Variants in ASTN2 observed in about 807,000 individuals in gnomAD.
ASTN2 encodes the protein astrotactin-2.
In ASTN2, 54 loss-of-function variants were observed where a neutral mutation model predicts 139.8. The observed-to-expected ratio is 0.39, with a 90% CI of 0.31 to 0.48. The LOEUF (loss-of-function observed/expected upper bound fraction) is 0.48, where lower values mean the gene tolerates loss of function less well. ASTN2 is among the 20% of genes least tolerant of loss of function. The probability of loss-of-function intolerance (pLI) is 0.95; values close to 1 mark genes in which losing one functional copy is unlikely to be tolerated. For missense variants in ASTN2, 1,565 were observed against 1,725.1 expected (o/e 0.91, Z 1.64); for synonymous variants, 756 against 719.5 (o/e 1.05, Z -0.81).
intron 16 of ASTN2, among the ~76,000 whole-genome samples, chr9:116,653,166 T>G (rs899612931): frequency 6.6e-6 from 1 of 152,242 alleles, no homozygotes; most frequent in Admixed American, 6.5e-5. Flanking sequence ...ACGGATGTAT[T>G]TGATACTCAG....
intron 7 of ASTN2, among the ~76,000 whole-genome samples, chr9:116,991,930 T>C (rs900393444): frequency 1.3e-5 from 2 of 152,218 alleles, no homozygotes; most frequent in Non-Finnish European, 2.9e-5. Context: ...AACAAAGACA[T>C]TAATGAAGCT....
At chr9:116,634,728 A>G (rs7853827) in intron 17 of ASTN2, among the ~76,000 whole-genome samples, 3,616 of 152,084 alleles carry the variant, frequency 0.024, 142 homozygotes, top group African/African-American at 0.082. Flanking sequence ...AATATTTTCT[A>G]TTGAGAAAAC....
chr9:116,924,917 AGCCCC>A (rs1358525954), intron 10 of ASTN2, among the ~76,000 whole-genome samples: 3 of 152,246 alleles, frequency 2.0e-5, no homozygotes, highest in Admixed American at 6.5e-5. Context: ...CATTTTGCCC[AGCCCC>A]GACTCAAGAT....
At chr9:117,342,036 G>C (rs1829076943) in intron 1 of ASTN2, among the ~76,000 whole-genome samples, 2 of 152,166 alleles carry the variant, frequency 1.3e-5, no homozygotes, top group South Asian at 4.1e-4. Flanking sequence ...TGGATGCCTA[G>C]GTGAGGACCT....
chr9:116,745,592 A>G (rs1829213247), intron 13 of ASTN2, among the ~76,000 whole-genome samples: 1 of 152,150 alleles, frequency 6.6e-6, no homozygotes, highest in African/African-American at 2.4e-5. Context: ...AAGGATCTAT[A>G]TAACTAGTTT....
At chr9:116,994,604 T>C (rs747472094) in intron 7 of ASTN2, among the ~76,000 whole-genome samples, 15 of 152,220 alleles carry the variant, frequency 9.9e-5, no homozygotes, top group Non-Finnish European at 1.5e-4. Context: ...ATTTCAAATA[T>C]GGTGAATGTG....
intron 6 of ASTN2, among the ~76,000 whole-genome samples, chr9:117,039,229 C>A (rs532811073): frequency 1.3e-5 from 2 of 152,122 alleles, no homozygotes; most frequent in Non-Finnish European, 2.9e-5. Context: ...TACACACACA[C>A]CATGGAATAC....
intron 19 of ASTN2, among the ~76,000 whole-genome samples, chr9:116,573,719 T>C (rs1304991104): frequency 1.3e-5 from 2 of 152,194 alleles, no homozygotes; most frequent in African/African-American, 2.4e-5. Context: ...TGTTATCATG[T>C]TAAATGACAG....
At chr9:116,977,481 T>C (rs769017093) in intron 7 of ASTN2, among the ~76,000 whole-genome samples, 8 of 152,102 alleles carry the variant, frequency 5.3e-5, no homozygotes, top group Non-Finnish European at 8.8e-5. Flanking sequence ...ATCCATTATT[T>C]TTTTTTCTGG....
At chr9:116,983,950 T>A (rs948810314) in intron 7 of ASTN2, among the ~76,000 whole-genome samples, 11 of 152,216 alleles carry the variant, frequency 7.2e-5, no homozygotes, top group African/African-American at 2.7e-4. Context: ...AAAAGATGCT[T>A]ACTTATAGTT....
At chr9:116,944,135 C>A (rs1349014187) in intron 10 of ASTN2, among the ~76,000 whole-genome samples, 1 of 151,810 alleles carries the variant, frequency 6.6e-6, no homozygotes, top group Non-Finnish European at 1.5e-5. Context: ...CTCCATTTTA[C>A]AAAAAAGAGA....
intron 1 of ASTN2, among the ~76,000 whole-genome samples, chr9:117,349,148 T>A (rs1829313718): frequency 6.6e-6 from 1 of 152,172 alleles, no homozygotes; most frequent in South Asian, 2.1e-4. Context: ...AACGGTATGC[T>A]CATGCACACG....
At chr9:116,780,692 C>T (rs752590105) in intron 13 of ASTN2, among the ~76,000 whole-genome samples, 10 of 151,988 alleles carry the variant, frequency 6.6e-5, no homozygotes, top group Non-Finnish European at 1.2e-4. Flanking sequence ...CATTCTTTTC[C>T]GTTAGTTCTC....
chr9:117,151,380 TATACC>T (rs1830323814), intron 3 of ASTN2, among the ~76,000 whole-genome samples: 1 of 152,120 alleles, frequency 6.6e-6, no homozygotes, highest in African/African-American at 2.4e-5. Flanking sequence ...TAGAGCCACC[TATACC>T]TTACAATGGA....
At position 116,623,147 on chromosome 9, in the gene ASTN2, CTGTGTGTGTGTGTGTGTGTG is replaced by C. The variant is rs10527124; in HGVS notation, c.3073-2724_3073-2705del. The stretch of plus-strand genomic sequence containing the variant: ...GCAATGGGAAGAGAGAGAGCATACT[CTGTGTGTGTGTGTGTGTGTG>C]TGTGTGTGTGTGTGTGTGTGTGTGT... On this transcript the variant is annotated intron_variant, in intron 17 of 22. Transcript: ENST00000313400. Among the ~76,000 whole-genome samples the C allele has an allele frequency of 8.6e-3, 1,186 of 137,212 alleles. 20 individuals are homozygous for C. The highest frequency in any genetic ancestry group is 0.03 in the African/African-American group (1,071 of 35,290). 90.0% of individuals were successfully genotyped at this position (137,212 alleles called of 152,430 possible).
intron 4 of ASTN2, 114 bp from the exon 5 acceptor site, chr9:117,096,265 C>G (rs1828839228): frequency 5.1e-6 from 4 of 784,280 alleles, no homozygotes; most frequent in Non-Finnish European, 8.5e-6. Context: ...CTGTAAATCC[C>G]AAGCAACCCA....
intron 1 of ASTN2, among the ~76,000 whole-genome samples, chr9:117,370,883 A>G (rs1829973096): frequency 6.6e-6 from 1 of 152,028 alleles, no homozygotes; most frequent in Admixed American, 6.6e-5. Flanking sequence ...CCTAAGCTTA[A>G]ATTCTACATT....
At chr9:116,702,837 T>C (rs1301002359) in intron 16 of ASTN2, among the ~76,000 whole-genome samples, 1 of 152,200 alleles carries the variant, frequency 6.6e-6, no homozygotes, top group Non-Finnish European at 1.5e-5. Context: ...AACTACCTAC[T>C]GTGGGCCAGT....
chr9:116,683,777 G>A (rs1483428476), intron 16 of ASTN2, among the ~76,000 whole-genome samples: 1 of 152,160 alleles, frequency 6.6e-6, no homozygotes, highest in Non-Finnish European at 1.5e-5. Context: ...GAAACTATTT[G>A]TAAGTATTCT....
Sources: gnomAD v4.1 joint callset for allele counts (sites outside exome capture counted in the v4.1 genomes callset) on GRCh38, gnomAD v4.1.1 for gene constraint, MANE v1.5 for transcripts, NCBI Gene and HGNC (gene_info 2026-07-23, HGNC 2026-07-21) for gene names.